Variants in TRIM36 observed in about 807,000 individuals in gnomAD.
TRIM36 encodes the protein tripartite motif containing 36.
In TRIM36, 42 loss-of-function variants were observed where a neutral mutation model predicts 72.4. The ratio of observed to expected loss-of-function variants is 0.58; its 90% CI spans 0.45 to 0.75. The LOEUF is 0.75. Ranked by LOEUF, TRIM36 falls within the 30% of genes least tolerant of loss-of-function variation. TRIM36 has a pLI of 0.00. For synonymous variants in TRIM36, 315 were observed against 282.8 expected, an observed-to-expected ratio of 1.11 and a Z score of -1.14; for missense variants, 913 against 857.1, an observed-to-expected ratio of 1.07 and a Z score of -0.81.
intron 5 of TRIM36, among the ~76,000 whole-genome samples, chr5:115,140,799 T>C (rs576594175): frequency 3.9e-5 from 6 of 152,342 alleles, no homozygotes; most frequent in Non-Finnish European, 7.3e-5. Context: ...TCCCACTTTG[T>C]GACAATTACA....
intron 4 of TRIM36, among the ~76,000 whole-genome samples, chr5:115,141,591 G>C (rs1337723344): frequency 1.3e-5 from 2 of 151,946 alleles, no homozygotes; most frequent in Admixed American, 6.6e-5. Context: ...AAATCAGTTG[G>C]AAAAAAGAAC....
In TRIM36 at chr5:115,134,049, C is replaced by A. The variant is rs755197593; in HGVS notation, c.1309G>T (p.Val437Phe). ...HPEKDKADSY[V>F]LEYRKINRDD... ...CTATTGATTTTCCGATATTCAAGAA[C>A]ATAGCTATCAGCTTTATCCTTTTCT... The change falls in exon 8 of 10, where the codon GTT (valine) becomes TTT (phenylalanine). Residue 437 changes from valine (V) to phenylalanine (F), a missense_variant. By Grantham distance (50) the Val-to-Phe change is conservative. Transcript: ENST00000513154. The A allele has an allele frequency of 2.1e-5, 34 of 1,613,882 alleles. No homozygotes were observed. The East Asian group carries it at 7.4e-4, about 35-fold the overall frequency.
At chr5:115,178,999 A>G (rs1755476322) in intron 1 of TRIM36, among the ~76,000 whole-genome samples, 1 of 152,128 alleles carries the variant, frequency 6.6e-6, no homozygotes, top group Admixed American at 6.5e-5. Flanking sequence ...GGGCTACAGA[A>G]TCATCCTCCT....
chr5:115,138,745 G>C (rs553127004), intron 5 of TRIM36, among the ~76,000 whole-genome samples: 100 of 152,240 alleles, frequency 6.6e-4, no homozygotes, highest in African/African-American at 2.4e-3. Context: ...ATTTTGAGAA[G>C]ACTGGCAAAC....
intron 1 of TRIM36, among the ~76,000 whole-genome samples, chr5:115,164,423 A>T (rs1208421304): frequency 2.6e-5 from 4 of 152,232 alleles, no homozygotes; most frequent in African/African-American, 9.6e-5. Flanking sequence ...AAGAAAAGAG[A>T]TTTAAGTGAC....
intron 4 of TRIM36, 126 bp downstream of exon 4, chr5:115,144,472 G>C: frequency 8.5e-7 from 1 of 1,183,050 alleles, no homozygotes; most frequent in Non-Finnish European, 1.2e-6. Context: ...AGATCGCTAA[G>C]TAACACTTTA....
chr5:115,169,901 C>A lies in TRIM36; in HGVS notation c.-267G>T. ...CTGCCGGCTGCAGCAGCGGCTCCTGCGGACTGCGGCTGGGAACGGCGCCGC... is the reference window on the plus strand; with the variant it reads ...CTGCCGGCTGCAGCAGCGGCTCCTGAGGACTGCGGCTGGGAACGGCGCCGC... On this transcript the variant is annotated 5_prime_UTR_variant, in exon 1 of 10. Coordinates refer to ENST00000513154, the MANE Select transcript of TRIM36 (RefSeq NM_001300759.2). 2 of 1,290,394 alleles carry A rather than the reference C, an allele frequency of 1.5e-6. No individual in the cohort carries two copies. The highest frequency in any genetic ancestry group is 9.8e-7 in the Non-Finnish European group (1 of 1,017,978). The allele number at this position is 1,290,394 out of a possible 1,614,324, so 79.9% of individuals were successfully genotyped here.
chr5:115,131,036 A>G, intron 8 of TRIM36, 147 bp from the exon 9 acceptor site: 1 of 808,714 alleles, frequency 1.2e-6, no homozygotes, highest in Non-Finnish European at 1.9e-6. Context: ...ATGACAAACC[A>G]AAACCCAACT....
upstream of TRIM36, among the ~76,000 whole-genome samples, chr5:115,170,712 C>T (rs114608085): frequency 0.011 from 1,627 of 152,354 alleles, 27 homozygotes; most frequent in African/African-American, 0.037. Context: ...GGTGGAGATT[C>T]CTCTCCCGGA....
chr5:115,170,564 C>T (rs1168739512), upstream of TRIM36, among the ~76,000 whole-genome samples: 1 of 152,210 alleles, frequency 6.6e-6, no homozygotes, highest in Non-Finnish European at 1.5e-5. Context: ...TCCCAGTTCT[C>T]TTCTGGCTTC....
rs939698389 is a variant in TRIM36 at position 115,148,371 on chromosome 5, C to T, written c.263-977G>A. On this transcript the variant is annotated intron_variant, in intron 2 of 9. Coordinates refer to ENST00000513154, the MANE Select transcript of TRIM36 (RefSeq NM_001300759.2). ...ACAGGAATCCAGGGTTGTCCATTTACGACAGGTGCATGCATATCACATTCC... is the reference window on the plus strand; with the variant it reads ...ACAGGAATCCAGGGTTGTCCATTTATGACAGGTGCATGCATATCACATTCC... The T allele has an allele frequency of 2.3e-5, 23 of 981,732 alleles. No individual in the cohort carries two copies. The East Asian group carries it at 6.8e-4, about 29-fold the overall frequency. 60.8% of individuals were successfully genotyped at this position (981,732 alleles called of 1,614,324 possible). A position where few individuals can be genotyped will look rare whatever the true frequency, so the allele number is the denominator to read the frequency against.
At chr5:115,177,897 G>C (rs771970284) in intron 1 of TRIM36, 5 of 1,611,230 alleles carry the variant, frequency 3.1e-6, no homozygotes, top group Non-Finnish European at 4.2e-6. Context: ...GACAGAGAGA[G>C]AGAGAGCAGA....
chr5:115,147,868 C>T (rs1036829367), intron 2 of TRIM36, among the ~76,000 whole-genome samples: 3 of 152,162 alleles, frequency 2.0e-5, no homozygotes, highest in African/African-American at 7.2e-5. Context: ...CAGGCAGATC[C>T]ATGAACTATT....
At position 115,136,988 on chromosome 5, in the gene TRIM36, A is replaced by C; in HGVS notation, c.1210+12T>G. The C allele has an allele frequency of 1.3e-6, 2 of 1,576,792 alleles. No individual in the cohort carries two copies. Among genetic ancestry groups the C allele is most frequent in the Non-Finnish European group, 1.7e-6 (2 of 1,165,860 alleles). On this transcript the variant is annotated intron_variant, in intron 7 of 9. Coordinates refer to ENST00000513154, the MANE Select transcript of TRIM36 (RefSeq NM_001300759.2). ...CAAAAAGAATGAGGTTTTTGCCTTC[A>C]TTAAGACTTACCACTAGAGAAAAAG... is the stretch of plus-strand genomic sequence containing the variant.
intron 1 of TRIM36, chr5:115,177,780 A>G (rs373690464): frequency 2.3e-5 from 37 of 1,614,058 alleles, no homozygotes; most frequent in Non-Finnish European, 3.1e-5. Context: ...ACTGCTTTCC[A>G]ACCTCAGAGA....
At chr5:115,151,726 C>A (rs1313857777) in intron 2 of TRIM36, among the ~76,000 whole-genome samples, 1 of 152,162 alleles carries the variant, frequency 6.6e-6, no homozygotes, top group African/African-American at 2.4e-5. Flanking sequence ...CAGACAACAC[C>A]CAATACCAGC....
At position 115,163,745 on chromosome 5, in the gene TRIM36, A is replaced by C; in HGVS notation, c.35T>G (p.Ile12Ser). The C allele has an allele frequency of 6.2e-7, 1 of 1,614,094 alleles. No individual in the cohort carries two copies. The highest frequency in any genetic ancestry group is 8.5e-7 in the Non-Finnish European group (1 of 1,179,966). Residue 12 changes from isoleucine to serine, a missense_variant, in exon 2 of 10, where the codon ATT (isoleucine) becomes AGT (serine). Coordinates refer to ENST00000513154, the MANE Select transcript of TRIM36 (RefSeq NM_001300759.2). ...EGDGSDSPVT[I>S]KNIERELICP... ...AATGAGCTCCCTTTCGATATTCTTA[A>C]TGGTAACCTTGAGAGTAAAATAGTC...
At chr5:115,145,933 AC>A (rs1753570136) in intron 3 of TRIM36, among the ~76,000 whole-genome samples, 1 of 152,258 alleles carries the variant, frequency 6.6e-6, no homozygotes. Context: ...ATTTGCCTAT[AC>A]CATTTTGGAC....
intron 2 of TRIM36, among the ~76,000 whole-genome samples, chr5:115,149,852 G>T (rs996596674): frequency 5.9e-5 from 9 of 151,902 alleles, no homozygotes; most frequent in Admixed American, 5.9e-4. Flanking sequence ...TCCGCCTCCC[G>T]GGTTCACGCC....
Sources: allele counts gnomAD v4.1 joint callset (sites outside exome capture counted in the v4.1 genomes callset), GRCh38; gene constraint gnomAD v4.1.1; transcripts MANE v1.5; gene names NCBI Gene and HGNC (gene_info 2026-07-23, HGNC 2026-07-21).